CWC15: variants seen among roughly 807,000 people sequenced by gnomAD.
CWC15 encodes the protein CWC15 spliceosome associated protein.
Under a neutral mutation model 28.4 loss-of-function variants are expected in CWC15, and 12 were observed. The ratio of observed to expected loss-of-function variants is 0.42; its 90% CI spans 0.27 to 0.69. CWC15 has a LOEUF of 0.69. Among genes scored for constraint, CWC15 ranks in the 30% least tolerant of loss-of-function variants. CWC15 has a pLI of 0.23. For missense variants in CWC15, 192 were observed against 271.5 expected (o/e 0.71, Z 2.06); for synonymous variants, 92 against 88.4 (o/e 1.04, Z -0.23).
chr11:94,966,597 C>G (rs1857648480), intron 5 of CWC15, among the ~76,000 whole-genome samples, 184 bp from the exon 6 acceptor site: 1 of 133,728 alleles, frequency 7.5e-6, no homozygotes. Context: ...TCTCCCTCAT[C>G]AAAATAAAAT....
chr11:94,971,081 A>T lies in CWC15; in HGVS notation c.245-16T>A. 3 of 1,598,878 alleles carry T rather than the reference A, an allele frequency of 1.9e-6. No homozygotes were observed. Among genetic ancestry groups the T allele is most frequent in the Non-Finnish European group, 2.6e-6 (3 of 1,166,120 alleles). On this transcript the variant is annotated splice_polypyrimidine_tract_variant and intron_variant, in intron 3 of 6. Transcript: ENST00000279839. ...GTTGTATGTTCTGGGGGGAAACAAA[A>T]ATCATTTAACTTAGTAAAACAAATA...
Position 94,966,398 on chromosome 11 carries a change from C to A in CWC15, c.457G>T (p.Ala153Ser). 6.4e-7 allele frequency: 1 copy of A among 1,551,004 alleles called. No individual in the cohort carries two copies. Among genetic ancestry groups the A allele is most frequent in the Non-Finnish European group, 8.7e-7 (1 of 1,146,430 alleles). The change falls in exon 6 of 7, where the codon GCT becomes TCT. Residue 153 changes from alanine (A) to serine (S), a missense_variant. Ala to Ser is a moderately conservative substitution (Grantham distance 99). This residue lies in a region of CWC15 where 188 missense variants were observed against 250.3 expected (regional missense o/e 0.75). Coordinates refer to ENST00000279839, the MANE Select transcript of CWC15 (RefSeq NM_016403.4). ...EQARKEQEQKAEEERIRMENI... is the reference protein window; with the variant it reads ...EQARKEQEQKSEEERIRMENI... Reference sequence around the variant, plus strand: ...TCCATACGAATCCTCTCTTCTTCAGCTTTTTGTTCTTGTTCCTGTCAATGA... The same window carrying A: ...TCCATACGAATCCTCTCTTCTTCAGATTTTTGTTCTTGTTCCTGTCAATGA...
rs1857729593 is a variant in CWC15 at position 94,972,046 on chromosome 11, T to G, written c.131+9A>C. 6.2e-7 allele frequency: 1 copy of G among 1,607,734 alleles called. No homozygotes were observed. Among genetic ancestry groups the G allele is most frequent in the Non-Finnish European group, 8.5e-7 (1 of 1,177,574 alleles). On this transcript the variant is annotated intron_variant, in intron 2 of 6. Transcript: ENST00000279839. ...TTTTGTGAACAATAAAAAAAGAAAG[T>G]CTTACTACCTGTATTTTATCTTTGT... is the stretch of plus-strand genomic sequence containing the variant.
intron 5 of CWC15, among the ~76,000 whole-genome samples, chr11:94,968,567 T>TTAC (rs1406349708): frequency 6.6e-6 from 1 of 152,214 alleles, no homozygotes; most frequent in Non-Finnish European, 1.5e-5. Flanking sequence ...TGCCCTCTAG[T>TTAC]GGTATGCAAG....
At chr11:94,963,928 G>A (rs1158011231) in intron 6 of CWC15, among the ~76,000 whole-genome samples, 1 of 152,104 alleles carries the variant, frequency 6.6e-6, no homozygotes, top group Non-Finnish European at 1.5e-5. Flanking sequence ...GGGGATTGTA[G>A]ATATTCCTCT....
rs1555095941 is a variant in CWC15, at chr11:94,970,082, A to G, written c.348T>C (p.Asp116=). The G allele has an allele frequency of 6.6e-7, 1 of 1,514,478 alleles. No individual in the cohort carries two copies. Among genetic ancestry groups the G allele is most frequent in the East Asian group, 2.3e-5 (1 of 42,702 alleles). 93.8% of individuals were successfully genotyped at this position (1,514,478 alleles called of 1,614,324 possible). A position where few individuals can be genotyped will look rare whatever the true frequency, so the allele number is the denominator to read the frequency against. ...CATCATCATCACTTTCTTCTTCAAA[A>G]TCTTCATCTTCCTCCTAAAAGAACA... ...DDPLTDEEDE[D]FEEESDDDDT... is the part of the protein sequence containing the mutation. The change falls in exon 5 of 7, where the codon GAT becomes GAC. Residue 116 remains aspartate (D), a synonymous_variant. Coordinates refer to ENST00000279839, the MANE Select transcript of CWC15 (RefSeq NM_016403.4).
chr11:94,971,181 C>A, intron 3 of CWC15, 116 bp from the exon 4 acceptor site: 1 of 1,061,066 alleles, frequency 9.4e-7, no homozygotes, highest in South Asian at 1.3e-5. Flanking sequence ...ACAGTGAACT[C>A]ACATCCACAG....
intron 2 of CWC15, among the ~76,000 whole-genome samples, chr11:94,971,828 T>C (rs1555096293): frequency 6.6e-6 from 1 of 152,220 alleles, no homozygotes; most frequent in African/African-American, 2.4e-5. Flanking sequence ...CTCTGAGGCA[T>C]TATTATTTCT....
intron 4 of CWC15, chr11:94,970,737 C>T (rs1466411932): frequency 2.0e-5 from 10 of 496,742 alleles, no homozygotes; most frequent in Non-Finnish European, 3.3e-5. Context: ...AAAGCATATC[C>T]TTTTATAGAT....
chr11:94,966,440 C>T, intron 5 of CWC15, 27 bp from the exon 6 acceptor site: 2 of 1,435,884 alleles, frequency 1.4e-6, no homozygotes, highest in Non-Finnish European at 1.9e-6. Flanking sequence ...AAGATTAACA[C>T]TTACTTATTT....
chr11:94,964,326 G>C (rs913256062), intron 6 of CWC15, among the ~76,000 whole-genome samples: 1 of 152,106 alleles, frequency 6.6e-6, no homozygotes, highest in South Asian at 2.1e-4. Flanking sequence ...CTGCACATGG[G>C]AACAAATGTG....
intron 5 of CWC15, among the ~76,000 whole-genome samples, 180 bp downstream of exon 5, chr11:94,969,809 T>C (rs1039212500): frequency 3.3e-5 from 5 of 152,224 alleles, no homozygotes; most frequent in African/African-American, 1.2e-4. Context: ...AAGAATTTCT[T>C]ACATAACCAG....
intron 5 of CWC15, among the ~76,000 whole-genome samples, chr11:94,968,436 C>T (rs1857675316): frequency 6.6e-6 from 1 of 152,218 alleles, no homozygotes; most frequent in East Asian, 1.9e-4. Context: ...ATGAAACTCA[C>T]AAAACTGCAA....
chr11:94,969,851 A>G (rs902048732), intron 5 of CWC15, 138 bp downstream of exon 5: 2 of 450,948 alleles, frequency 4.4e-6, no homozygotes, highest in African/African-American at 4.1e-5. Flanking sequence ...ATAATCATTT[A>G]TAGATCTACA....
intron 5 of CWC15, among the ~76,000 whole-genome samples, chr11:94,969,002 C>T (rs587738848): frequency 6.6e-6 from 1 of 152,364 alleles, no homozygotes; most frequent in Admixed American, 6.5e-5. Context: ...AACTCATCAA[C>T]TACCTCTTCT....
In CWC15 at chr11:94,963,309, G is replaced by GA. The variant is rs58293261; in HGVS notation, c.*75dup. ...CACACACAATTTAGACAGGGGAAAA[G>GA]AAAAAAAAAACTCATAAAAAAAGTC... is the stretch of plus-strand genomic sequence containing the variant. On this transcript the variant is annotated 3_prime_UTR_variant, in exon 7 of 7. Coordinates refer to ENST00000279839, the MANE Select transcript of CWC15 (RefSeq NM_016403.4). 0.44 allele frequency: 482,799 copies of GA among 1,091,572 alleles called. 68,734 individuals carry two copies. Among genetic ancestry groups the GA allele is most frequent in the Non-Finnish European group, 0.46 (373,951 of 814,710 alleles). 67.6% of individuals were successfully genotyped at this position (1,091,572 alleles called of 1,614,324 possible).
At chr11:94,966,515 A>T (rs1590957758) in intron 5 of CWC15, 102 bp from the exon 6 acceptor site, 8 of 525,566 alleles carry the variant, frequency 1.5e-5, no homozygotes, top group Non-Finnish European at 2.5e-5. Flanking sequence ...GATCATTAGG[A>T]TTTTATGGCA....
chr11:94,973,006 A>G (rs898739755), intron 1 of CWC15, among the ~76,000 whole-genome samples: 1 of 127,054 alleles, frequency 7.9e-6, no homozygotes, highest in African/African-American at 3.0e-5. Flanking sequence ...GTGTCGGAAA[A>G]GCAAGTGTGT....
intron 6 of CWC15, among the ~76,000 whole-genome samples, chr11:94,964,033 C>T (rs985046269): frequency 6.6e-6 from 1 of 151,818 alleles, no homozygotes; most frequent in Non-Finnish European, 1.5e-5. Flanking sequence ...AATTAAGGCT[C>T]AGATATGGCC....
Sources: gnomAD v4.1 joint callset for allele counts (sites outside exome capture counted in the v4.1 genomes callset) on GRCh38, gnomAD v4.1.1 for gene constraint, gnomAD v4.1.1 regional missense constraint, MANE v1.5 for transcripts, NCBI Gene and HGNC (gene_info 2026-07-23, HGNC 2026-07-21) for gene names.